HPSE2: variants seen among roughly 807,000 people sequenced by gnomAD.
HPSE2 encodes the protein inactive heparanase-2.
Under a neutral mutation model 60.5 loss-of-function variants are expected in HPSE2, and 38 were observed. The ratio of observed to expected loss-of-function variants is 0.63; its 90% CI spans 0.48 to 0.82. HPSE2 has a LOEUF of 0.82. Among genes scored for constraint, HPSE2 ranks in the 40% least tolerant of loss-of-function variants. The pLI is 0.00. For synonymous variants in HPSE2, 295 were observed against 293.2 expected, an observed-to-expected ratio of 1.01 and a Z score of -0.06; for missense variants, 713 against 740.4, an observed-to-expected ratio of 0.96 and a Z score of 0.43.
At chr10:98,735,327 T>C (rs374234079) in intron 4 of HPSE2, among the ~76,000 whole-genome samples, 48 of 146,608 alleles carry the variant, frequency 3.3e-4, no homozygotes, top group African/African-American at 1.2e-3. Context: ...AAGTCAAGAA[T>C]TGAGGTTTGG....
chr10:98,673,015 C>T (rs1052416827), intron 6 of HPSE2, among the ~76,000 whole-genome samples: 1 of 152,116 alleles, frequency 6.6e-6, no homozygotes, highest in East Asian at 1.9e-4. Context: ...GTATAATTTG[C>T]TCCTGAAATC....
At chr10:98,977,046 A>G in intron 3 of HPSE2, among the ~76,000 whole-genome samples, 1 of 152,194 alleles carries the variant, frequency 6.6e-6, no homozygotes, top group Non-Finnish European at 1.5e-5. Flanking sequence ...GAGCCTTCTA[A>G]TGAAGCCTGG....
intron 3 of HPSE2, among the ~76,000 whole-genome samples, chr10:98,852,114 TG>T (rs199955561): frequency 2.1e-5 from 1 of 46,602 alleles, no homozygotes; most frequent in Non-Finnish European, 4.4e-5. Context: ...TATATTATGA[TG>T]TGTGTGTGTG....
At chr10:98,641,712 C>T (rs1465362026) in intron 7 of HPSE2, 135 bp downstream of exon 7, 1 of 756,078 alleles carries the variant, frequency 1.3e-6, no homozygotes, top group East Asian at 2.5e-5. Flanking sequence ...TGTGACCATG[C>T]CCATCTAGAC....
chr10:98,623,002 T>C (rs1437430493), intron 7 of HPSE2, among the ~76,000 whole-genome samples: 1 of 152,200 alleles, frequency 6.6e-6, no homozygotes, highest in Non-Finnish European at 1.5e-5. Flanking sequence ...TGATAAACTA[T>C]GCACTTCCTT....
At chr10:98,980,976 T>G (rs1956193023) in intron 3 of HPSE2, among the ~76,000 whole-genome samples, 2 of 152,178 alleles carry the variant, frequency 1.3e-5, no homozygotes, top group African/African-American at 2.4e-5. Context: ...TAAGAATCTT[T>G]CTAAATTCTC....
intron 2 of HPSE2, among the ~76,000 whole-genome samples, chr10:99,217,707 G>A (rs1398360789): frequency 4.6e-5 from 7 of 152,026 alleles, no homozygotes; most frequent in African/African-American, 1.4e-4. Context: ...TCCCGCCTCA[G>A]CCTCCTGAGT....
At chr10:99,160,814 G>A (rs1186791737) in intron 2 of HPSE2, among the ~76,000 whole-genome samples, 1 of 146,570 alleles carries the variant, frequency 6.8e-6, no homozygotes, top group Non-Finnish European at 1.5e-5. Flanking sequence ...CAGGAGAATG[G>A]TGTGAACCCG....
At chr10:98,877,552 T>C (rs1952911373) in intron 3 of HPSE2, among the ~76,000 whole-genome samples, 2 of 151,974 alleles carry the variant, frequency 1.3e-5, no homozygotes, top group Non-Finnish European at 2.9e-5. Context: ...GGCAGGATTA[T>C]ATCAGTTAAT....
chr10:98,643,727 A>G (rs191356421), intron 6 of HPSE2, among the ~76,000 whole-genome samples: 20 of 152,298 alleles, frequency 1.3e-4, no homozygotes, highest in African/African-American at 4.8e-4. Flanking sequence ...GATCAGATAC[A>G]TGGCATACTA....
At chr10:98,854,557 A>G (rs1037479536) in intron 3 of HPSE2, among the ~76,000 whole-genome samples, 2 of 152,206 alleles carry the variant, frequency 1.3e-5, no homozygotes, top group African/African-American at 4.8e-5. Context: ...TTCACCAAAC[A>G]TGGATGTACC....
intron 3 of HPSE2, among the ~76,000 whole-genome samples, chr10:98,770,299 T>C (rs563800061): frequency 6.6e-6 from 1 of 152,356 alleles, no homozygotes; most frequent in African/African-American, 2.4e-5. Context: ...TGGTGGAATC[T>C]GATCCCTAGG....
At chr10:98,940,804 C>T (rs1954972559) in intron 3 of HPSE2, among the ~76,000 whole-genome samples, 1 of 141,662 alleles carries the variant, frequency 7.1e-6, no homozygotes, top group East Asian at 2.0e-4. Flanking sequence ...AAACCAATAT[C>T]CTTGATGAAC....
chr10:98,782,742 G>A (rs1950501437), intron 3 of HPSE2, among the ~76,000 whole-genome samples: 2 of 105,094 alleles, frequency 1.9e-5, no homozygotes, highest in Non-Finnish European at 4.1e-5. Context: ...GTCAGCTAGG[G>A]CCACTGGTAG....
intron 3 of HPSE2, chr10:99,013,257 T>A (rs1414350338): frequency 1.6e-6 from 1 of 639,986 alleles, no homozygotes; most frequent in African/African-American, 1.8e-5. Context: ...TTTTTTAACA[T>A]CTTGTTTATT....
chr10:98,742,414 A>G (rs1057364785), intron 4 of HPSE2, among the ~76,000 whole-genome samples: 4 of 151,930 alleles, frequency 2.6e-5, no homozygotes, highest in Admixed American at 2.6e-4. Context: ...TCACACATAT[A>G]GTGCTCCAAA....
intron 3 of HPSE2, among the ~76,000 whole-genome samples, chr10:99,117,552 G>A (rs1354987563): frequency 1.3e-5 from 2 of 149,294 alleles, no homozygotes; most frequent in African/African-American, 5.0e-5. Context: ...TGACCCCACA[G>A]AAATATAAAT....
At chr10:98,725,088 C>A (rs1949036618) in intron 4 of HPSE2, among the ~76,000 whole-genome samples, 1 of 152,072 alleles carries the variant, frequency 6.6e-6, no homozygotes, top group African/African-American at 2.4e-5. Context: ...GATTCAATAC[C>A]ATCCCCATCA....
chr10:98,516,488 G>A (rs979963061), intron 9 of HPSE2, among the ~76,000 whole-genome samples: 4 of 152,176 alleles, frequency 2.6e-5, no homozygotes, highest in African/African-American at 9.7e-5. Context: ...TCAGTATGTA[G>A]CCAGAAGGGG....
Sources: gnomAD v4.1 joint callset for allele counts (sites outside exome capture counted in the v4.1 genomes callset) on GRCh38, gnomAD v4.1.1 for gene constraint, MANE v1.5 for transcripts, NCBI Gene and HGNC (gene_info 2026-07-23, HGNC 2026-07-21) for gene names.